Variants in FRMPD4 observed in about 807,000 individuals in gnomAD.
FRMPD4 encodes the protein FERM and PDZ domain containing 4, also known as FERM and PDZ domain-containing protein 4.
FRMPD4 carries 22 observed loss-of-function variants against 94.1 expected under a neutral mutation model. The ratio of observed to expected loss-of-function variants is 0.23; its 90% CI spans 0.17 to 0.33. The LOEUF (loss-of-function observed/expected upper bound fraction) is 0.33, where lower values mean the gene tolerates loss of function less well. Ranked by LOEUF, FRMPD4 falls within the 10% of genes least tolerant of loss-of-function variation. The pLI is 1.00. For missense variants in FRMPD4, 1,111 were observed against 1,339.9 expected, an observed-to-expected ratio of 0.83 and a Z score of 2.67; for synonymous variants, 631 against 548.6, an observed-to-expected ratio of 1.15 and a Z score of -2.10.
At chrX:12,580,729 C>A (rs1362250793) in intron 2 of FRMPD4, among the ~76,000 whole-genome samples, 1 of 111,327 alleles carries the variant, frequency 9.0e-6, no homozygotes, top group Non-Finnish European at 1.9e-5. Flanking sequence ...GGATCACCTG[C>A]CTCTGATGCT....
intron 1 of FRMPD4, among the ~76,000 whole-genome samples, chrX:12,224,543 G>A (rs995011724): frequency 3.6e-5 from 4 of 111,924 alleles, no homozygotes; most frequent in Non-Finnish European, 7.5e-5. Context: ...GGGAATTTCA[G>A]GTAAAGCATT....
At chrX:11,881,607 C>T (rs2147313688) in intron 3 of FRMPD4, among the ~76,000 whole-genome samples, 1 of 111,819 alleles carries the variant, frequency 8.9e-6, no homozygotes, top group South Asian at 3.8e-4. Flanking sequence ...ACTACAGTGA[C>T]AGAGAACAGA....
At chrX:12,343,132 C>T (rs2055643210) in intron 1 of FRMPD4, among the ~76,000 whole-genome samples, 1 of 111,312 alleles carries the variant, frequency 9.0e-6, no homozygotes, top group Non-Finnish European at 1.9e-5. Flanking sequence ...CTGTGGCACT[C>T]CACTGGAGAG....
chrX:11,915,842 T>G (rs1002570779), intron 3 of FRMPD4, among the ~76,000 whole-genome samples: 2 of 111,525 alleles, frequency 1.8e-5, no homozygotes. Flanking sequence ...TGCCTCAGTT[T>G]CCCCCATCTG....
At chrX:11,927,734 T>C (rs1227934150) in intron 3 of FRMPD4, among the ~76,000 whole-genome samples, 1 of 112,125 alleles carries the variant, frequency 8.9e-6, no homozygotes, top group Non-Finnish European at 1.9e-5. Flanking sequence ...ATATACCATA[T>C]ACAAAAATTA....
At chrX:12,182,581 T>TAA (rs199773710) in intron 1 of FRMPD4, among the ~76,000 whole-genome samples, 26,826 of 94,640 alleles carry the variant, frequency 0.28, 3,111 homozygotes, top group Non-Finnish European at 0.36. Context: ...TAAATAAATA[T>TAA]ATATATATAT....
intron 3 of FRMPD4, among the ~76,000 whole-genome samples, chrX:12,612,345 G>A (rs1306355822): frequency 8.9e-6 from 1 of 111,818 alleles, no homozygotes. Context: ...ATTTTGAGAA[G>A]AGTAGAAAAA....
intron 4 of FRMPD4, among the ~76,000 whole-genome samples, chrX:12,674,637 T>G (rs1206205383): frequency 1.8e-5 from 2 of 112,000 alleles, no homozygotes; most frequent in African/African-American, 6.5e-5. Context: ...CAATGTAAAC[T>G]TACTAGGAAG....
chrX:11,865,685 T>G (rs1918243), intron 2 of FRMPD4, among the ~76,000 whole-genome samples: 16,333 of 111,476 alleles, frequency 0.15, 1,555 homozygotes, highest in African/African-American at 0.34. Flanking sequence ...GGTTTGTTTG[T>G]CTCTCTCCAA....
At chrX:12,715,947 T>C in intron 14 of FRMPD4, 122 bp from the exon 15 acceptor site, 1 of 435,352 alleles carries the variant, frequency 2.3e-6, no homozygotes, top group Non-Finnish European at 4.0e-6. Flanking sequence ...GTTGAAAAAC[T>C]GTATTTACAT....
chrX:11,844,736 T>C (rs2053563466), intron 1 of FRMPD4, among the ~76,000 whole-genome samples: 1 of 112,514 alleles, frequency 8.9e-6, no homozygotes, highest in Non-Finnish European at 1.9e-5. Context: ...GTTATTGCAC[T>C]TATAAATTAA....
intron 3 of FRMPD4, among the ~76,000 whole-genome samples, chrX:12,065,276 G>A (rs1300030291): frequency 1.8e-5 from 2 of 112,155 alleles, no homozygotes; most frequent in South Asian, 7.5e-4. Context: ...CCAGGCTTAG[G>A]TGCTGAGCCA....
chrX:12,455,377 T>C (rs1223042784), intron 1 of FRMPD4, among the ~76,000 whole-genome samples: 1 of 111,794 alleles, frequency 8.9e-6, no homozygotes, highest in Non-Finnish European at 1.9e-5. Flanking sequence ...TATTGTTTAA[T>C]TAAAATAATG....
intron 1 of FRMPD4, among the ~76,000 whole-genome samples, chrX:12,363,590 C>A (rs1036653260): frequency 2.7e-5 from 3 of 112,480 alleles, no homozygotes; most frequent in Non-Finnish European, 5.6e-5. Context: ...AGAGACCAGG[C>A]CAGCCACTCT....
At chrX:11,954,137 G>A (rs189445600) in intron 3 of FRMPD4, among the ~76,000 whole-genome samples, 1 of 112,358 alleles carries the variant, frequency 8.9e-6, no homozygotes, top group African/African-American at 3.2e-5. Context: ...GTTGACTTCA[G>A]TTTGGCCAAC....
intron 3 of FRMPD4, among the ~76,000 whole-genome samples, chrX:11,965,307 A>G (rs1165855270): frequency 8.9e-6 from 1 of 112,163 alleles, no homozygotes; most frequent in Non-Finnish European, 1.9e-5. Flanking sequence ...TGCTGAAGCA[A>G]TCATTCAATA....
rs1023307999 is a variant in FRMPD4 at position 12,231,653 on chromosome X, A to C, written c.41+92641A>C. 1.7e-4 allele frequency among the ~76,000 whole-genome samples: 19 copies of C among 111,896 alleles called. No homozygotes were observed. In the Admixed American group the frequency reaches 1.8e-3, roughly 11 times the overall value. On this transcript the variant is annotated intron_variant, in intron 1 of 16. Coordinates refer to ENST00000675598, the MANE Select transcript of FRMPD4 (RefSeq NM_001368397.1). ...TGGCCCTACCCAGATTTGCTGGATA[A>C]GAACTTTCTGGGAGAAGGGGGCATG...
rs1164299227 is a variant in FRMPD4 at position 11,898,238 on chromosome X, C to T, written c.95+20220C>T. On this transcript the variant is annotated intron_variant, in intron 3 of 18. Coordinates refer to the FRMPD4 transcript ENST00000640291. The stretch of plus-strand genomic sequence containing the variant: ...TTCCTCTGAGATGGAGGTGCCCTGG[C>T]GGTTTTAAGCAGCTTGGCATGGGGC... 3.6e-5 allele frequency among the ~76,000 whole-genome samples: 4 copies of T among 110,693 alleles called. No individual in the cohort carries two copies. In the South Asian group the frequency reaches 1.2e-3, roughly 32 times the overall value.
intron 1 of FRMPD4, among the ~76,000 whole-genome samples, chrX:12,443,764 G>C (rs1323915350): frequency 8.9e-6 from 1 of 111,928 alleles, no homozygotes; most frequent in African/African-American, 3.2e-5. Flanking sequence ...TGCTGCCAAA[G>C]TAAATGTGGG....
Sources: gnomAD v4.1 joint callset for allele counts (sites outside exome capture counted in the v4.1 genomes callset) on GRCh38, gnomAD v4.1.1 for gene constraint, MANE v1.5 for transcripts, NCBI Gene and HGNC (gene_info 2026-07-23, HGNC 2026-07-21) for gene names.